The following NSMAF variants were observed in gnomAD, a reference collection of about 807,000 sequenced individuals.
NSMAF encodes the protein neutral sphingomyelinase activation associated factor, also known as protein FAN.
In NSMAF, 90 loss-of-function variants were observed where a neutral mutation model predicts 134.9. The ratio of observed to expected loss-of-function variants is 0.67; its 90% CI spans 0.56 to 0.79. The LOEUF is 0.79. Ranked by LOEUF, NSMAF falls within the 30% of genes least tolerant of loss-of-function variation. The pLI is 0.00. For missense variants in NSMAF, 1,010 were observed against 1,119.0 expected, an observed-to-expected ratio of 0.90 and a Z score of 1.39; for synonymous variants, 358 against 389.6, an observed-to-expected ratio of 0.92 and a Z score of 0.96.
intron 6 of NSMAF, among the ~76,000 whole-genome samples, chr8:58,628,458 T>C (rs2129145158): frequency 6.6e-6 from 1 of 152,376 alleles, no homozygotes; most frequent in South Asian, 2.1e-4. Flanking sequence ...TGTCTCCTTT[T>C]ATGTTAATGA....
At chr8:58,634,869 T>G (rs955718675) in intron 5 of NSMAF, among the ~76,000 whole-genome samples, 1 of 152,162 alleles carries the variant, frequency 6.6e-6, no homozygotes, top group South Asian at 2.1e-4. Context: ...TTAAGTGGCA[T>G]GGCAATGGAC....
At chr8:58,628,096 A>G (rs1563538085) in intron 6 of NSMAF, among the ~76,000 whole-genome samples, 1 of 152,184 alleles carries the variant, frequency 6.6e-6, no homozygotes, top group African/African-American at 2.4e-5. Context: ...CTTATAGCCA[A>G]CTGATCTTTG....
At chr8:58,587,479 A>C (rs1318006890) in intron 27 of NSMAF, 139 bp downstream of exon 27, 1 of 635,132 alleles carries the variant, frequency 1.6e-6, no homozygotes, top group Non-Finnish European at 2.8e-6. Flanking sequence ...CAACACAAAG[A>C]AAAGAACTGA....
At position 58,587,697 on chromosome 8, in the gene NSMAF, C is replaced by A; in HGVS notation, c.2216G>T (p.Trp739Leu). 6.2e-7 allele frequency: 1 copy of A among 1,613,852 alleles called. No homozygotes were observed. Among genetic ancestry groups the A allele is most frequent in the Non-Finnish European group, 8.5e-7 (1 of 1,179,806 alleles). ...TGGCATCTCTGCAGGAACACCAGAC[C>A]ACACCTAGGATGGAACATATTGCAG... ...SASWDSTVKVWSGVPAEMPGT... is the reference protein window; with the variant it reads ...SASWDSTVKVLSGVPAEMPGT... The change falls in exon 27 of 31, where the codon TGG (tryptophan) becomes TTG (leucine). Residue 739 changes from tryptophan to leucine, a missense_variant. Physicochemically the swap from Trp to Leu is moderately conservative, Grantham distance 61 (BLOSUM62 -2). Coordinates refer to ENST00000038176, the MANE Select transcript of NSMAF (RefSeq NM_003580.4).
Position 58,600,352 on chromosome 8 carries a change from C to T in NSMAF, c.1281-331G>A, listed in dbSNP as rs148067365. Among the ~76,000 whole-genome samples the T allele has an allele frequency of 7.0e-3, 1,063 of 152,050 alleles. 4 individuals are homozygous for T. Among genetic ancestry groups the T allele is most frequent in the South Asian group, 0.011 (54 of 4,816 alleles). ...AAAGATTAGCACCACTGGTAGGGCG[C>T]GGTGGCTCACACCTGTAATCTCAGT... On this transcript the variant is annotated intron_variant, in intron 16 of 30. Coordinates refer to ENST00000038176, the MANE Select transcript of NSMAF (RefSeq NM_003580.4).
intron 1 of NSMAF, among the ~76,000 whole-genome samples, chr8:58,644,430 T>C (rs918310348): frequency 4.6e-5 from 7 of 152,104 alleles, no homozygotes; most frequent in African/African-American, 1.7e-4. Flanking sequence ...CCAGTTCAAG[T>C]CACCGGACTT....
chr8:58,643,216 A>G, intron 1 of NSMAF, 143 bp from the exon 2 acceptor site: 1 of 664,134 alleles, frequency 1.5e-6, no homozygotes, highest in South Asian at 1.8e-5. Flanking sequence ...CATGCCAGGC[A>G]GTCCTCTCTA....
intron 1 of NSMAF, among the ~76,000 whole-genome samples, chr8:58,648,812 C>T (rs922712325): frequency 6.6e-6 from 1 of 152,172 alleles, no homozygotes; most frequent in Non-Finnish European, 1.5e-5. Context: ...GGCAGCTTAC[C>T]CCTAGATTTC....
intron 21 of NSMAF, 113 bp downstream of exon 21, chr8:58,597,274 C>T: frequency 1.1e-6 from 1 of 950,314 alleles, no homozygotes; most frequent in Non-Finnish European, 1.6e-6. Flanking sequence ...GGCAGGAGAA[C>T]ACAATCATCT....
rs1011866807 is a variant in NSMAF, at chr8:58,635,455, A to G, written c.228+13T>C. 1.3e-6 allele frequency: 2 copies of G among 1,582,908 alleles called. No homozygotes were observed. Among genetic ancestry groups the G allele is most frequent in the Non-Finnish European group, 1.7e-6 (2 of 1,162,658 alleles). ...AATAGGAATGTTTCTGTTCATATTT[A>G]AAATGTATTTACCTTGATGATGGGC... On this transcript the variant is annotated intron_variant, in intron 3 of 30. Coordinates refer to ENST00000038176, the MANE Select transcript of NSMAF (RefSeq NM_003580.4).
At chr8:58,626,328 T>G (rs1806931048) in intron 6 of NSMAF, among the ~76,000 whole-genome samples, 1 of 152,110 alleles carries the variant, frequency 6.6e-6, no homozygotes, top group Non-Finnish European at 1.5e-5. Flanking sequence ...TCTCCTGACC[T>G]CGTGATCTGC....
chr8:58,642,740 C>T (rs888435404), intron 2 of NSMAF, among the ~76,000 whole-genome samples: 3 of 152,068 alleles, frequency 2.0e-5, no homozygotes, highest in Non-Finnish European at 2.9e-5. Flanking sequence ...CTTCTCATTA[C>T]TTCCCTAATA....
chr8:58,594,091 T>C lies in NSMAF; in HGVS notation c.1951+141A>G, dbSNP rs1806078226. ...CAAATTACCATGAAACTCTATGTAA[T>C]GTACCACAAAGGAACTGCTCTAAGT... On this transcript the variant is annotated intron_variant, in intron 23 of 30. Transcript: ENST00000038176. The C allele has an allele frequency of 1.1e-5, 7 of 659,894 alleles. 1 individual carries two copies. The highest frequency in any genetic ancestry group is 5.6e-5 in the Admixed American group (2 of 35,586). 40.9% of individuals were successfully genotyped at this position (659,894 alleles called of 1,614,324 possible). A position where few individuals can be genotyped will look rare whatever the true frequency, so the allele number is the denominator to read the frequency against.
intron 23 of NSMAF, among the ~76,000 whole-genome samples, chr8:58,592,246 T>G (rs1482323518): frequency 6.6e-6 from 1 of 152,184 alleles, no homozygotes; most frequent in Non-Finnish European, 1.5e-5. Flanking sequence ...CTCTCCTTGA[T>G]GTCTAGTGGT....
intron 13 of NSMAF, among the ~76,000 whole-genome samples, chr8:58,602,909 A>G (rs2129141351): frequency 6.6e-6 from 1 of 152,310 alleles, no homozygotes; most frequent in East Asian, 1.9e-4. Context: ...TGAGAAGCAA[A>G]TATTTCAAAA....
At chr8:58,635,889 T>C (rs1807163596) in intron 2 of NSMAF, among the ~76,000 whole-genome samples, 1 of 152,164 alleles carries the variant, frequency 6.6e-6, no homozygotes, top group African/African-American at 2.4e-5. Flanking sequence ...ATGCCTACAC[T>C]CATCCCACCC....
intron 23 of NSMAF, 182 bp from the exon 24 acceptor site, chr8:58,591,116 T>G: frequency 1.9e-6 from 1 of 531,972 alleles, no homozygotes; most frequent in South Asian, 2.7e-5. Flanking sequence ...AACATTAAGA[T>G]TCTATGACCT....
At chr8:58,659,107 G>C in intron 1 of NSMAF, 1 of 1,071,708 alleles carries the variant, frequency 9.3e-7, no homozygotes, top group Non-Finnish European at 1.2e-6. Context: ...GCCGCCCGGC[G>C]ACCAACTCTG....
At chr8:58,600,621 CAAA>C (rs35209612) in intron 16 of NSMAF, among the ~76,000 whole-genome samples, 1 of 44,682 alleles carries the variant, frequency 2.2e-5, no homozygotes, top group Non-Finnish European at 4.1e-5. Context: ...GACTCTGTCT[CAAA>C]AAAAAAAAAA....
Sources: gnomAD v4.1 joint callset for allele counts (sites outside exome capture counted in the v4.1 genomes callset) on GRCh38, gnomAD v4.1.1 for gene constraint, MANE v1.5 for transcripts, NCBI Gene and HGNC (gene_info 2026-07-23, HGNC 2026-07-21) for gene names.